Variants in ZNF717 observed in about 807,000 individuals in gnomAD.
ZNF717 encodes krueppel-like factor X17.
A neutral mutation model predicts 13.8 loss-of-function variants in ZNF717; 9 were observed. The observed-to-expected ratio is 0.65, with a 90% CI of 0.39 to 1.14. ZNF717 has a LOEUF of 1.14. Among genes scored for constraint, ZNF717 ranks in the 50% most tolerant of loss-of-function variants. The pLI, the probability that ZNF717 is intolerant of heterozygous loss-of-function variation, is 0.01. For synonymous variants in ZNF717, 327 were observed against 364.1 expected, an observed-to-expected ratio of 0.90 and a Z score of 1.16; for missense variants, 1,040 against 1,080.7, an observed-to-expected ratio of 0.96 and a Z score of 0.53.
At chr3:75,772,646 G>A (rs1455597186) in intron 2 of ZNF717, among the ~76,000 whole-genome samples, 2 of 152,262 alleles carry the variant, frequency 1.3e-5, no homozygotes, top group African/African-American at 2.4e-5. Flanking sequence ...GCTTGGCTGT[G>A]TGCAGTGGCC....
downstream of ZNF717, among the ~76,000 whole-genome samples, chr3:75,726,123 AT>A (rs1938273965): frequency 6.6e-6 from 1 of 152,258 alleles, no homozygotes; most frequent in Admixed American, 6.5e-5. Flanking sequence ...GGACTTCAAA[AT>A]AGGATTTTAA....
At position 75,737,492 on chromosome 3, in the gene ZNF717, G is replaced by C; in HGVS notation, c.2131C>G (p.Pro711Ala). Residue 711 changes from proline (P) to alanine (A), a missense_variant, in exon 5 of 5, where the codon CCT becomes GCT. Around this residue, in one of 3 missense-constraint regions of ZNF717, gnomAD observed 873 missense variants for 832.8 expected, o/e 1.05. Coordinates refer to ENST00000652011, the MANE Select transcript of ZNF717 (RefSeq NM_001290208.3). ...CTGAAGATTTGCCTTCTGATGAAAGGATTTTCCACATTCATTACATTCATA... is the reference window on the plus strand; with the variant it reads ...CTGAAGATTTGCCTTCTGATGAAAGCATTTTCCACATTCATTACATTCATA... ...SPMNVMNVENPFIRRQIFRSI... is the reference protein window; with the variant it reads ...SPMNVMNVENAFIRRQIFRSI... 1.3e-6 allele frequency: 2 copies of C among 1,554,734 alleles called. No homozygotes were observed. The highest frequency in any genetic ancestry group is 2.4e-5 in the South Asian group (2 of 84,230).
downstream of ZNF717, among the ~76,000 whole-genome samples, chr3:75,734,515 C>G (rs1575742806): frequency 6.6e-6 from 1 of 150,848 alleles, no homozygotes; most frequent in African/African-American, 2.4e-5. Context: ...TCACGGCAAG[C>G]TCTGCCTTCC....
intron 2 of ZNF717, among the ~76,000 whole-genome samples, chr3:75,756,558 C>A (rs1429725060): frequency 6.6e-6 from 1 of 152,206 alleles, no homozygotes; most frequent in East Asian, 1.9e-4. Context: ...CCAGTGAACA[C>A]ATGAATGATA....
chr3:75,753,031 T>G (rs1335197928), intron 2 of ZNF717, among the ~76,000 whole-genome samples: 1 of 146,366 alleles, frequency 6.8e-6, no homozygotes, highest in Non-Finnish European at 1.5e-5. Context: ...ATACCTCACA[T>G]AGGATTCCAG....
intron 5 of ZNF717, among the ~76,000 whole-genome samples, chr3:75,712,695 C>A (rs1417275903): frequency 6.6e-6 from 1 of 152,104 alleles, no homozygotes; most frequent in Non-Finnish European, 1.5e-5. Flanking sequence ...TATTTCTTTT[C>A]TTTTCAACCT....
intron 2 of ZNF717, among the ~76,000 whole-genome samples, chr3:75,756,752 G>A (rs916254218): frequency 7.9e-5 from 12 of 151,738 alleles, no homozygotes; most frequent in African/African-American, 2.9e-4. Context: ...TCGGCTCATC[G>A]CAACCTCTGC....
intron 2 of ZNF717, among the ~76,000 whole-genome samples, chr3:75,742,352 A>G (rs1445686406): frequency 4.1e-5 from 6 of 146,446 alleles, no homozygotes; most frequent in Non-Finnish European, 7.4e-5. Flanking sequence ...ATAAAATTCT[A>G]CTCCTCAAAG....
chr3:75,767,167 C>G (rs371534187), intron 2 of ZNF717, among the ~76,000 whole-genome samples: 9 of 152,352 alleles, frequency 5.9e-5, no homozygotes, highest in South Asian at 2.1e-4. Context: ...CTGAGACCCC[C>G]ATGATGGAAA....
In ZNF717 at chr3:75,737,529, C is replaced by T. The variant is rs1420114146; in HGVS notation, c.2094G>A (p.Pro698=). ...TCATTACATTCATAGGGCTTTTCCC[C>T]GGTGTGAGTTCTCTGATGTATAATA... The part of the protein sequence containing the change: ...HTLLYIRELT[P]GKSPMNVMNV... The change falls in exon 5 of 5, where the codon CCG becomes CCA. Residue 698 remains proline, a synonymous_variant. Transcript: ENST00000652011. 98 of 1,553,698 alleles carry T rather than the reference C, an allele frequency of 6.3e-5. No homozygotes were observed. In the South Asian group the frequency reaches 7.4e-4, roughly 12 times the overall value.
intron 6 of ZNF717, among the ~76,000 whole-genome samples, chr3:75,698,390 GT>G (rs1937628096): frequency 7.0e-5 from 1 of 14,192 alleles, no homozygotes; most frequent in Non-Finnish European, 1.9e-4. Flanking sequence ...CTAAAAGGCA[GT>G]CCCCCATCAT....
downstream of ZNF717, among the ~76,000 whole-genome samples, chr3:75,732,367 T>G (rs1239713665): frequency 3.5e-4 from 54 of 152,378 alleles, no homozygotes; most frequent in African/African-American, 1.3e-3. Flanking sequence ...ACTTAAACAA[T>G]GAGGCCCAGT....
At chr3:75,749,189 T>C (rs1941452307) in intron 2 of ZNF717, among the ~76,000 whole-genome samples, 1 of 150,554 alleles carries the variant, frequency 6.6e-6, no homozygotes, top group Admixed American at 6.6e-5. Flanking sequence ...CAGAACACCA[T>C]GGCGAGGGTC....
chr3:75,720,830 A>C (rs1938153681), intron 4 of ZNF717, among the ~76,000 whole-genome samples: 1 of 152,216 alleles, frequency 6.6e-6, no homozygotes, highest in African/African-American at 2.4e-5. Flanking sequence ...TAAAAAGAAA[A>C]AAAAGAAAAG....
chr3:75,739,151 G>A lies in ZNF717; in HGVS notation c.472C>T (p.Gln158Ter). 1 of 1,550,894 alleles carries A rather than the reference G, an allele frequency of 6.4e-7. No homozygotes were observed. The highest frequency in any genetic ancestry group is 8.7e-7 in the Non-Finnish European group (1 of 1,146,500). Residue 158 changes from glutamine to a stop codon, truncating the protein, a stop_gained, in exon 5 of 5, where the codon CAG becomes TAG. Coordinates refer to ENST00000652011, the MANE Select transcript of ZNF717 (RefSeq NM_001290208.3). LOFTEE classifies it low-confidence loss of function (END_TRUNC). Reference sequence around the variant, plus strand: ...AGCATGTTCTGGCAATCATTAAACTGCCCAGGCTTCATTCCTGAACTGTTT... The same window carrying A: ...AGCATGTTCTGGCAATCATTAAACTACCCAGGCTTCATTCCTGAACTGTTT... ...NGNSSGMKPG[Q>*]FNDCQNMLFP... is the part of the protein sequence containing the mutation.
intron 2 of ZNF717, among the ~76,000 whole-genome samples, chr3:75,742,389 T>A (rs1940591558): frequency 6.7e-6 from 1 of 149,852 alleles, no homozygotes; most frequent in African/African-American, 2.5e-5. Flanking sequence ...TATGAATATA[T>A]AAGTATAAAC....
chr3:75,715,123 AC>A (rs1191001974), intron 5 of ZNF717, among the ~76,000 whole-genome samples: 1 of 152,342 alleles, frequency 6.6e-6, no homozygotes, highest in Middle Eastern at 3.4e-3. Flanking sequence ...GCTGTGAACC[AC>A]AGTTTGGGTA....
chr3:75,696,512 G>A (rs1206472274), intron 6 of ZNF717, among the ~76,000 whole-genome samples: 27 of 151,596 alleles, frequency 1.8e-4, no homozygotes, highest in Non-Finnish European at 3.3e-4. Context: ...CACACAAACA[G>A]GTAATTCATA....
intron 2 of ZNF717, among the ~76,000 whole-genome samples, chr3:75,776,109 G>C (rs1944298731): frequency 6.6e-6 from 1 of 152,278 alleles, no homozygotes; most frequent in African/African-American, 2.4e-5. Context: ...GAGGATGTAA[G>C]TCTAATGTTA....
Sources: allele counts gnomAD v4.1 joint callset (sites outside exome capture counted in the v4.1 genomes callset), GRCh38; gene constraint gnomAD v4.1.1; regional missense constraint gnomAD v4.1.1; transcripts MANE v1.5; gene names NCBI Gene and HGNC (gene_info 2026-07-23, HGNC 2026-07-21).